The following HSD17B12 variants were observed in gnomAD, a reference collection of about 807,000 sequenced individuals.
HSD17B12 encodes very-long-chain 3-oxoacyl-CoA reductase.
Under a neutral mutation model 39.3 loss-of-function variants are expected in HSD17B12, and 32 were observed. That is an observed-to-expected ratio of 0.81 (90% CI 0.61 to 1.09). HSD17B12 has a LOEUF of 1.09. HSD17B12 is among the 50% of genes least tolerant of loss of function. HSD17B12 has a pLI of 0.00. For synonymous variants in HSD17B12, 150 were observed against 146.7 expected, an observed-to-expected ratio of 1.02 and a Z score of -0.16; for missense variants, 342 against 382.9, an observed-to-expected ratio of 0.89 and a Z score of 0.89.
chr11:43,656,386 G>C, the HSD17B12 span, among the ~76,000 whole-genome samples: 1 of 152,000 alleles, frequency 6.6e-6, no homozygotes, highest in Non-Finnish European at 1.5e-5. Flanking sequence ...AGGGTTTTTT[G>C]TGTCTCTATT....
At chr11:43,694,504 C>T (rs1463115499) in intron 1 of HSD17B12, among the ~76,000 whole-genome samples, 1 of 150,808 alleles carries the variant, frequency 6.6e-6, no homozygotes, top group African/African-American at 2.4e-5. Flanking sequence ...AGTTCCAGAT[C>T]AGCCAGGGCA....
intron 1 of HSD17B12, among the ~76,000 whole-genome samples, chr11:43,701,996 T>G (rs1163532425): frequency 6.6e-6 from 1 of 152,192 alleles, no homozygotes; most frequent in Non-Finnish European, 1.5e-5. Flanking sequence ...GTGTCCTCTT[T>G]AATTTCTTTC....
chr11:43,562,313 G>C, the HSD17B12 span, among the ~76,000 whole-genome samples: 6 of 152,390 alleles, frequency 3.9e-5, no homozygotes, highest in Non-Finnish European at 8.8e-5. Flanking sequence ...CCTGAGTACA[G>C]TGTAACTGTG....
upstream of HSD17B12, among the ~76,000 whole-genome samples, chr11:43,676,208 GGTGTGTGT>G (rs56092553): frequency 2.0e-5 from 3 of 147,624 alleles, no homozygotes; most frequent in African/African-American, 5.0e-5. Context: ...AGAGGAAGAG[GGTGTGTGT>G]GTGTGTGTGT....
chr11:43,760,713 C>T (rs1235205048), intron 3 of HSD17B12, among the ~76,000 whole-genome samples: 1 of 152,066 alleles, frequency 6.6e-6, no homozygotes, highest in Non-Finnish European at 1.5e-5. Flanking sequence ...AATACGATGC[C>T]TTGTTATATT....
At chr11:43,729,007 T>A (rs557126826) in intron 1 of HSD17B12, among the ~76,000 whole-genome samples, 2 of 152,348 alleles carry the variant, frequency 1.3e-5, no homozygotes, top group African/African-American at 4.8e-5. Context: ...ATACATGCTC[T>A]ATAATTACAT....
the HSD17B12 span, chr11:43,569,848 G>T: frequency 6.6e-6 from 1 of 152,560 alleles, no homozygotes; most frequent in Non-Finnish European, 1.5e-5. Flanking sequence ...CCTTTACCTC[G>T]TGCTTTCTGC....
chr11:43,644,003 T>C, the HSD17B12 span, among the ~76,000 whole-genome samples: 4 of 152,030 alleles, frequency 2.6e-5, no homozygotes, highest in African/African-American at 9.7e-5. Context: ...GCAGTTGAGG[T>C]TGTTTGTGTG....
the HSD17B12 span, among the ~76,000 whole-genome samples, chr11:43,620,481 C>T: frequency 5.3e-5 from 8 of 152,194 alleles, no homozygotes; most frequent in South Asian, 4.2e-4. Context: ...GTAATGTTTG[C>T]AAAAGCTCCA....
the HSD17B12 span, among the ~76,000 whole-genome samples, chr11:43,603,030 T>C: frequency 1.3e-5 from 2 of 152,104 alleles, no homozygotes; most frequent in African/African-American, 4.8e-5. Context: ...GGATGTGAGA[T>C]TGTGCTCCAT....
At chr11:43,761,610 C>T (rs767175758) in intron 3 of HSD17B12, among the ~76,000 whole-genome samples, 14 of 152,298 alleles carry the variant, frequency 9.2e-5, no homozygotes, top group Admixed American at 5.9e-4. Context: ...ATTTTGCTGA[C>T]GGATGGTCTG....
the HSD17B12 span, among the ~76,000 whole-genome samples, chr11:43,592,449 C>T: frequency 2.0e-5 from 3 of 152,012 alleles, no homozygotes; most frequent in African/African-American, 7.2e-5. Flanking sequence ...ACCTGAGTCC[C>T]AGAATTACTC....
chr11:43,737,793 G>T (rs533536072), intron 1 of HSD17B12, among the ~76,000 whole-genome samples: 3 of 152,154 alleles, frequency 2.0e-5, no homozygotes, highest in Non-Finnish European at 4.4e-5. Context: ...GAACTGTCCG[G>T]CCAGGCGCAG....
intron 3 of HSD17B12, among the ~76,000 whole-genome samples, chr11:43,772,069 CTT>C (rs1950655990): frequency 6.6e-6 from 1 of 152,050 alleles, no homozygotes; most frequent in African/African-American, 2.4e-5. Flanking sequence ...AACATCTAAC[CTT>C]TTTATTTAAC....
intron 1 of HSD17B12, among the ~76,000 whole-genome samples, chr11:43,692,553 T>C (rs961893630): frequency 6.6e-6 from 1 of 152,226 alleles, no homozygotes; most frequent in Non-Finnish European, 1.5e-5. Context: ...TTTGGTAGTA[T>C]ATTTATTATT....
At chr11:43,692,569 C>G (rs1234087141) in intron 1 of HSD17B12, among the ~76,000 whole-genome samples, 1 of 152,058 alleles carries the variant, frequency 6.6e-6, no homozygotes, top group African/African-American at 2.4e-5. Context: ...TTATTCTTTC[C>G]CAAATCTTTA....
intron 7 of HSD17B12, chr11:43,838,108 A>T (rs1343037631): frequency 3.7e-6 from 2 of 546,044 alleles, no homozygotes; most frequent in Non-Finnish European, 6.5e-6. Context: ...AAATGAGCTA[A>T]TCGTGAAGAA....
chr11:43,787,592 C>A, intron 3 of HSD17B12, among the ~76,000 whole-genome samples: 1 of 151,858 alleles, frequency 6.6e-6, no homozygotes, highest in East Asian at 1.9e-4. Flanking sequence ...CAAAAATTAG[C>A]CAGGCATTGT....
At chr11:43,606,656 A>G in the HSD17B12 span, among the ~76,000 whole-genome samples, 1 of 152,248 alleles carries the variant, frequency 6.6e-6, no homozygotes, top group Non-Finnish European at 1.5e-5. Flanking sequence ...CAAACACAGG[A>G]CTGTTCCCTT....
Sources: gnomAD v4.1 joint callset for allele counts (sites outside exome capture counted in the v4.1 genomes callset) on GRCh38, gnomAD v4.1.1 for gene constraint, MANE v1.5 for transcripts, NCBI Gene and HGNC (gene_info 2026-07-23, HGNC 2026-07-21) for gene names.